LIPA: variants seen among roughly 807,000 people sequenced by gnomAD.
LIPA encodes the protein lipase A, lysosomal acid type, also known as lysosomal acid lipase/cholesteryl ester hydrolase.
A neutral mutation model predicts 40.6 loss-of-function variants in LIPA; 26 were observed. The ratio of observed to expected loss-of-function variants is 0.64; its 90% CI spans 0.47 to 0.89. The LOEUF (loss-of-function observed/expected upper bound fraction) is 0.89, where lower values mean the gene tolerates loss of function less well. LIPA is among the 40% of genes least tolerant of loss of function. The pLI, the probability that LIPA is intolerant of heterozygous loss-of-function variation, is 0.00. For missense variants in LIPA, 455 were observed against 479.6 expected (o/e 0.95, Z 0.48); for synonymous variants, 188 against 168.4 (o/e 1.12, Z -0.90).
chr10:89,328,241 T>A (rs1238205662), intron 1 of LIPA, among the ~76,000 whole-genome samples: 2 of 152,236 alleles, frequency 1.3e-5, no homozygotes, highest in Non-Finnish European at 2.9e-5. Context: ...TTTTTCCCTG[T>A]GGCTTTTTTT....
At chr10:89,357,631 T>C (rs538747535) in intron 2 of LIPA, among the ~76,000 whole-genome samples, 21 of 152,282 alleles carry the variant, frequency 1.4e-4, no homozygotes, top group African/African-American at 5.1e-4. Context: ...GTTCATAGAA[T>C]TGCAAACCAG....
At chr10:89,306,163 A>C (rs1474650037) in intron 1 of LIPA, 4 of 1,614,168 alleles carry the variant, frequency 2.5e-6, no homozygotes, top group South Asian at 2.2e-5. Context: ...AAAACGAGGC[A>C]GCCCTGGAAT....
chr10:89,379,423 TAAG>T (rs936590832), intron 2 of LIPA, among the ~76,000 whole-genome samples: 28 of 152,266 alleles, frequency 1.8e-4, no homozygotes, highest in African/African-American at 6.5e-4. Context: ...TGTTAGAAAA[TAAG>T]AAATTTTGTA....
At chr10:89,288,832 C>A (rs1410977410) in intron 1 of LIPA, among the ~76,000 whole-genome samples, 1 of 152,254 alleles carries the variant, frequency 6.6e-6, no homozygotes, top group East Asian at 1.9e-4. Flanking sequence ...AATATTTATA[C>A]TGACTCTAAA....
At chr10:89,358,156 G>A (rs967922596) in intron 2 of LIPA, among the ~76,000 whole-genome samples, 27 of 152,148 alleles carry the variant, frequency 1.8e-4, no homozygotes, top group African/African-American at 6.5e-4. Flanking sequence ...TCCTCCATGT[G>A]GTGAGAAGAT....
Position 89,324,369 on chromosome 10 carries a change from A to G in LIPA, c.-2+18242T>C, listed in dbSNP as rs551689560. Among the ~76,000 whole-genome samples, 10 of 152,338 alleles carry G rather than the reference A, an allele frequency of 6.6e-5. No homozygotes were observed. The South Asian group carries it at 1.9e-3, about 28-fold the overall frequency. ...GACCCCTTCCTTACATCATATATGG[A>G]AATCAACTCAAGATGGATGAAATGT... On this transcript the variant is annotated intron_variant, in intron 1 of 5. Coordinates refer to the LIPA transcript ENST00000282673.
At chr10:89,369,570 T>C (rs1231846889) in intron 2 of LIPA, among the ~76,000 whole-genome samples, 3 of 152,178 alleles carry the variant, frequency 2.0e-5, no homozygotes, top group African/African-American at 4.8e-5. Flanking sequence ...AAAAAGTTCA[T>C]GAAATAGCTG....
intron 1 of LIPA, among the ~76,000 whole-genome samples, chr10:89,269,389 A>G (rs1345731362): frequency 6.6e-6 from 1 of 152,212 alleles, no homozygotes; most frequent in Non-Finnish European, 1.5e-5. Flanking sequence ...CTCTATATCC[A>G]TGGTAATTTC....
chr10:89,332,541 TC>T, intron 1 of LIPA: 1 of 1,613,374 alleles, frequency 6.2e-7, no homozygotes. Flanking sequence ...GGAAACCTCT[TC>T]AGCATTTGCT....
At chr10:89,319,215 A>G (rs1843557790) in intron 1 of LIPA, among the ~76,000 whole-genome samples, 1 of 152,236 alleles carries the variant, frequency 6.6e-6, no homozygotes, top group Non-Finnish European at 1.5e-5. Flanking sequence ...CTAAGATCAG[A>G]GCAGAACTGA....
At chr10:89,290,942 G>T (rs945071704) in intron 1 of LIPA, among the ~76,000 whole-genome samples, 2 of 152,182 alleles carry the variant, frequency 1.3e-5, no homozygotes, top group African/African-American at 2.4e-5. Context: ...AAAGTTAAGG[G>T]TGTATGTTAC....
intron 1 of LIPA, among the ~76,000 whole-genome samples, chr10:89,313,375 TC>T (rs1370089393): frequency 6.6e-6 from 1 of 152,232 alleles, no homozygotes; most frequent in African/African-American, 2.4e-5. Flanking sequence ...GCCTTCTCTC[TC>T]TTTCAGTAAC....
chr10:89,340,228 G>A (rs1843841729), intron 1 of LIPA: 10 of 1,272,032 alleles, frequency 7.9e-6, no homozygotes, highest in Non-Finnish European at 1.1e-5. Context: ...TGCTGAGCAG[G>A]GAAGCTTTGC....
chr10:89,219,780 T>C lies in LIPA; in HGVS notation c.894+2731A>G, dbSNP rs145058893. 3.6e-3 allele frequency among the ~76,000 whole-genome samples: 546 copies of C among 152,288 alleles called. 1 individual carries two copies. The highest frequency in any genetic ancestry group is 0.012 in the African/African-American group (487 of 41,558). The stretch of plus-strand genomic sequence containing the variant: ...AGAGGAGGGAAAGCCAAAGGGAAGA[T>C]CCGATACAATGGCTGCACAAAGCAA... On this transcript the variant is annotated intron_variant, in intron 8 of 9. Transcript: ENST00000336233.
At chr10:89,279,677 G>C (rs1843305676) in intron 1 of LIPA, among the ~76,000 whole-genome samples, 1 of 152,166 alleles carries the variant, frequency 6.6e-6, no homozygotes, top group Non-Finnish European at 1.5e-5. Flanking sequence ...AACAAAAAGT[G>C]ACCTTCCCAT....
intron 1 of LIPA, among the ~76,000 whole-genome samples, chr10:89,330,010 A>G (rs1183741906): frequency 1.3e-5 from 2 of 152,186 alleles, no homozygotes; most frequent in Non-Finnish European, 2.9e-5. Context: ...AGCCAGGATG[A>G]GCCAGGAGAA....
intron 2 of LIPA, among the ~76,000 whole-genome samples, chr10:89,358,105 G>A (rs753698074): frequency 2.0e-5 from 3 of 152,104 alleles, no homozygotes; most frequent in Admixed American, 2.0e-4. Context: ...TGCCTGCTGC[G>A]AAGAGGTCTG....
At chr10:89,339,002 A>T (rs1843798144) in intron 1 of LIPA, 1 of 1,614,078 alleles carries the variant, frequency 6.2e-7, no homozygotes, top group Non-Finnish European at 8.5e-7. Flanking sequence ...GCTCAGATTT[A>T]TGTAGATAAG....
intron 1 of LIPA, chr10:89,306,708 G>A (rs1389691613): frequency 3.7e-6 from 6 of 1,613,964 alleles, no homozygotes; most frequent in East Asian, 2.2e-5. Context: ...GATGTTCTTC[G>A]CAGTGCAGCC....
Sources: allele counts gnomAD v4.1 joint callset (sites outside exome capture counted in the v4.1 genomes callset), GRCh38; gene constraint gnomAD v4.1.1; transcripts MANE v1.5; gene names NCBI Gene and HGNC (gene_info 2026-07-23, HGNC 2026-07-21).